Variants in NLN observed in about 807,000 individuals in gnomAD.
NLN encodes the protein neurolysin.
A neutral mutation model predicts 79.9 loss-of-function variants in NLN; 64 were observed. The observed-to-expected ratio is 0.80, with a 90% CI of 0.65 to 0.99. The LOEUF is 0.99. Among genes scored for constraint, NLN ranks in the 50% least tolerant of loss-of-function variants. NLN has a pLI of 0.00. For missense variants in NLN, 835 were observed against 858.7 expected, an observed-to-expected ratio of 0.97 and a Z score of 0.34; for synonymous variants, 267 against 296.6, an observed-to-expected ratio of 0.90 and a Z score of 1.02.
chr5:65,769,656 GAC>G (rs1759527465), intron 3 of NLN, among the ~76,000 whole-genome samples: 1 of 152,188 alleles, frequency 6.6e-6, no homozygotes, highest in Non-Finnish European at 1.5e-5. Flanking sequence ...CCCAGTGTAT[GAC>G]TACTAAGACT....
At chr5:65,795,902 AG>A (rs1462715202) in intron 9 of NLN, among the ~76,000 whole-genome samples, 1 of 152,244 alleles carries the variant, frequency 6.6e-6, no homozygotes, top group Non-Finnish European at 1.5e-5. Flanking sequence ...TCCAAAATCC[AG>A]TTATATGTTT....
At chr5:65,785,211 T>G (rs1272224033) in intron 6 of NLN, among the ~76,000 whole-genome samples, 1 of 152,192 alleles carries the variant, frequency 6.6e-6, no homozygotes, top group African/African-American at 2.4e-5. Context: ...TGCTGGATCA[T>G]ATGGTATAAT....
In NLN at chr5:65,733,513, A is replaced by C; in HGVS notation, c.41+11099A>C. On this transcript the variant is annotated intron_variant, in intron 1 of 12. Transcript: ENST00000380985. ...GACAACAGGGGTCATGCCAATTGGG[A>C]GATCCTTGCCCCAATTCGGGCTGAG... 7 of 1,413,056 alleles carry C rather than the reference A, an allele frequency of 5.0e-6. 1 individual carries two copies. Among genetic ancestry groups the C allele is most frequent in the Non-Finnish European group, 4.9e-6 (5 of 1,013,288 alleles). The allele number at this position is 1,413,056 out of a possible 1,614,324, so 87.5% of individuals were successfully genotyped here. A position where few individuals can be genotyped will look rare whatever the true frequency, so the allele number is the denominator to read the frequency against.
chr5:65,781,191 C>T (rs534419477), intron 5 of NLN, 70 bp from the exon 6 acceptor site: 9 of 895,852 alleles, frequency 1.0e-5, no homozygotes, highest in African/African-American at 1.7e-5. Flanking sequence ...TACCAAAAGG[C>T]ACCATGCCAA....
At chr5:65,755,498 C>G (rs1486588947) in intron 1 of NLN, among the ~76,000 whole-genome samples, 1 of 152,112 alleles carries the variant, frequency 6.6e-6, no homozygotes, top group Non-Finnish European at 1.5e-5. Flanking sequence ...TTCATAAGGA[C>G]AAGTTTTTTG....
In NLN at chr5:65,825,422, A is replaced by G. The variant is rs1760896924; in HGVS notation, c.*2507A>G. On this transcript the variant is annotated 3_prime_UTR_variant, in exon 13 of 13. Transcript: ENST00000380985. ...TTTTGTTTTTTTTTTAGGCATTGTT[A>G]TGTTGTGAAGGATAAAATCTTCAAC... 1 of 151,454 alleles carries G rather than the reference A, an allele frequency of 6.6e-6. No homozygotes were observed. The highest frequency in any genetic ancestry group is 2.4e-5 in the African/African-American group (1 of 41,188). The allele number at this position is 151,454 out of a possible 1,614,324, so 9.4% of individuals were successfully genotyped here.
chr5:65,726,533 T>C (rs1758475923), intron 1 of NLN, among the ~76,000 whole-genome samples: 1 of 152,188 alleles, frequency 6.6e-6, no homozygotes, highest in Admixed American at 6.5e-5. Context: ...ATTTTTAACC[T>C]CACAGATTCC....
intron 8 of NLN, 48 bp from the exon 9 acceptor site, chr5:65,792,406 C>A: frequency 8.0e-7 from 1 of 1,242,622 alleles, no homozygotes; most frequent in Non-Finnish European, 1.2e-6. Flanking sequence ...AGTGTAGTTG[C>A]TAGAGGAGAA....
rs753079399 is a variant in NLN at position 65,777,466 on chromosome 5, C to T, written c.490C>T (p.Arg164Ter). 8.1e-6 allele frequency: 13 copies of T among 1,612,876 alleles called. No homozygotes were observed. The highest frequency in any genetic ancestry group is 2.7e-5 in the African/African-American group (2 of 74,742). Residue 164 changes from arginine (R) to a stop codon, truncating the protein, a stop_gained, in exon 4 of 13, where the codon CGA becomes TGA. Coordinates refer to ENST00000380985, the MANE Select transcript of NLN (RefSeq NM_020726.5). LOFTEE classifies it high-confidence loss of function. ...DLGKIKPEARRYLEKSIKMGK... is the reference protein window; with the variant it reads ...DLGKIKPEAR ...GGGGAAGATAAAACCTGAGGCCAGA[C>T]GATACTTGGAAAAGTCAATTAAAAT...
intron 12 of NLN, among the ~76,000 whole-genome samples, chr5:65,814,710 TA>T (rs1760629453): frequency 6.6e-6 from 1 of 151,940 alleles, no homozygotes; most frequent in African/African-American, 2.4e-5. Flanking sequence ...AAATAGAAAT[TA>T]AAAATCCAAA....
chr5:65,803,877 C>T (rs1760349198), intron 9 of NLN, among the ~76,000 whole-genome samples: 1 of 152,234 alleles, frequency 6.6e-6, no homozygotes, highest in Admixed American at 6.5e-5. Flanking sequence ...GCCACGCTTC[C>T]CCCACTGCAG....
At chr5:65,747,372 T>A (rs569945898) in intron 1 of NLN, among the ~76,000 whole-genome samples, 7 of 152,262 alleles carry the variant, frequency 4.6e-5, no homozygotes, top group African/African-American at 1.4e-4. Flanking sequence ...GGCCATGATA[T>A]AATAGTATCA....
intron 12 of NLN, among the ~76,000 whole-genome samples, chr5:65,812,607 T>A (rs960920781): frequency 6.6e-6 from 1 of 152,230 alleles, no homozygotes; most frequent in African/African-American, 2.4e-5. Context: ...TATATTTTCT[T>A]GCTTATTAAC....
chr5:65,797,039 G>C (rs1026764389), intron 9 of NLN, among the ~76,000 whole-genome samples: 4 of 152,218 alleles, frequency 2.6e-5, no homozygotes, highest in African/African-American at 9.6e-5. Flanking sequence ...CTTCATTCAG[G>C]ACGTGAGTTT....
At chr5:65,818,899 G>C (rs1188114615) in intron 12 of NLN, 1 of 152,226 alleles carries the variant, frequency 6.6e-6, no homozygotes, top group African/African-American at 2.4e-5. Context: ...TGCTGCTGCA[G>C]AGATGCCCAA....
intron 12 of NLN, among the ~76,000 whole-genome samples, chr5:65,815,121 T>C (rs1437290359): frequency 1.3e-5 from 2 of 152,222 alleles, no homozygotes; most frequent in East Asian, 1.9e-4. Context: ...CTGGCAATCA[T>C]TGGTGAGGCT....
At chr5:65,796,984 C>T (rs1397793869) in intron 9 of NLN, among the ~76,000 whole-genome samples, 3 of 152,214 alleles carry the variant, frequency 2.0e-5, no homozygotes, top group Admixed American at 6.5e-5. Flanking sequence ...AAGAACATCC[C>T]GTTTTCAAAC....
chr5:65,807,333 C>T (rs569460073), intron 9 of NLN, among the ~76,000 whole-genome samples: 2 of 152,198 alleles, frequency 1.3e-5, no homozygotes, highest in South Asian at 2.1e-4. Flanking sequence ...AGGCAAGACC[C>T]TCCACCAGCA....
chr5:65,759,064 A>T (rs998922916), intron 2 of NLN, among the ~76,000 whole-genome samples: 1 of 152,230 alleles, frequency 6.6e-6, no homozygotes, highest in African/African-American at 2.4e-5. Flanking sequence ...CTTTTAAGAC[A>T]TTCATACCCT....
Sources: gnomAD v4.1 joint callset for allele counts (sites outside exome capture counted in the v4.1 genomes callset) on GRCh38, gnomAD v4.1.1 for gene constraint, MANE v1.5 for transcripts, NCBI Gene and HGNC (gene_info 2026-07-23, HGNC 2026-07-21) for gene names.